Variants in TEX11 observed in about 807,000 individuals in gnomAD.
TEX11 encodes testis expressed 11, also known as testis-expressed protein 11.
In TEX11, 7 loss-of-function variants were observed where a neutral mutation model predicts 84.4. That is an observed-to-expected ratio of 0.08 (90% CI 0.05 to 0.16). The LOEUF (loss-of-function observed/expected upper bound fraction) is 0.16. Ranked by LOEUF, TEX11 falls within the 10% of genes least tolerant of loss-of-function variation. The pLI is 1.00. For missense variants in TEX11, 551 were observed against 660.5 expected (o/e 0.83, Z 1.82); for synonymous variants, 264 against 222.8 (o/e 1.18, Z -1.64).
chrX:70,876,456 T>A (rs1402011399), intron 3 of TEX11, among the ~76,000 whole-genome samples: 1 of 109,699 alleles, frequency 9.1e-6, no homozygotes, highest in East Asian at 2.8e-4. Flanking sequence ...ACATATTTAT[T>A]CAACACATAT....
intron 7 of TEX11, among the ~76,000 whole-genome samples, chrX:70,845,551 G>A (rs751925302): frequency 9.0e-6 from 1 of 110,997 alleles, no homozygotes; most frequent in Non-Finnish European, 1.9e-5. Context: ...ATCCAGGCAG[G>A]GCACACTGGG....
At chrX:70,823,331 C>T (rs1602156977) in intron 8 of TEX11, among the ~76,000 whole-genome samples, 1 of 110,316 alleles carries the variant, frequency 9.1e-6, no homozygotes, top group African/African-American at 3.3e-5. Context: ...TAATGCACAG[C>T]ATGGTGACTA....
intron 8 of TEX11, among the ~76,000 whole-genome samples, chrX:70,812,924 A>G (rs1273251103): frequency 9.0e-6 from 1 of 111,592 alleles, no homozygotes; most frequent in African/African-American, 3.3e-5. Context: ...GAATAGACCA[A>G]TAACAGGCTC....
chrX:70,794,948 A>G (rs1249680503), intron 9 of TEX11, among the ~76,000 whole-genome samples: 1 of 107,791 alleles, frequency 9.3e-6, no homozygotes, highest in Non-Finnish European at 1.9e-5. Flanking sequence ...TGACAAAAAA[A>G]AGGGGAAGAT....
chrX:70,616,980 A>T (rs755007735), intron 20 of TEX11, among the ~76,000 whole-genome samples: 2 of 111,491 alleles, frequency 1.8e-5, no homozygotes, highest in African/African-American at 6.5e-5. Flanking sequence ...CAACTAGGTG[A>T]CTATAGTAAA....
intron 28 of TEX11, among the ~76,000 whole-genome samples, chrX:70,531,589 T>A (rs1439786056): frequency 9.0e-6 from 1 of 111,434 alleles, no homozygotes; most frequent in East Asian, 2.8e-4. Context: ...TTATATGAAA[T>A]GTGCAGAATA....
chrX:70,526,890 G>A (rs1323172866), downstream of TEX11, among the ~76,000 whole-genome samples: 3 of 111,725 alleles, frequency 2.7e-5, no homozygotes, highest in Non-Finnish European at 5.6e-5. Flanking sequence ...ATAAGGAAGT[G>A]CTGAAAGAAT....
intron 9 of TEX11, among the ~76,000 whole-genome samples, chrX:70,770,938 A>G (rs2090968652): frequency 9.0e-6 from 1 of 111,416 alleles, no homozygotes; most frequent in South Asian, 3.8e-4. Context: ...AGCAACTCAC[A>G]TTACTTACCA....
intron 9 of TEX11, among the ~76,000 whole-genome samples, chrX:70,775,262 T>G (rs1305004780): frequency 9.0e-6 from 1 of 111,470 alleles, no homozygotes; most frequent in Non-Finnish European, 1.9e-5. Context: ...GGGAAAATGC[T>G]TCAGGACATT....
intron 9 of TEX11, among the ~76,000 whole-genome samples, chrX:70,777,988 TC>T (rs2091012842): frequency 8.9e-6 from 1 of 112,077 alleles, no homozygotes. Flanking sequence ...TCTATTTCCT[TC>T]CTACAAGATA....
chrX:70,713,838 T>C (rs2090466519), intron 13 of TEX11, among the ~76,000 whole-genome samples: 1 of 111,721 alleles, frequency 9.0e-6, no homozygotes, highest in Admixed American at 9.5e-5. Flanking sequence ...TGTTAGCTTT[T>C]GCATGTGTTT....
intron 17 of TEX11, among the ~76,000 whole-genome samples, chrX:70,641,210 A>G (rs2089652843): frequency 3.6e-5 from 4 of 111,769 alleles, no homozygotes; most frequent in Non-Finnish European, 7.5e-5. Context: ...TTCAACAAGA[A>G]CAGCTAACTA....
At chrX:70,578,764 CTTTTTTTTTTTT>C (rs869110075) in intron 25 of TEX11, among the ~76,000 whole-genome samples, 216 of 50,165 alleles carry the variant, frequency 4.3e-3, no homozygotes, top group Non-Finnish European at 6.7e-3. Context: ...AGTTGAACTT[CTTTTTTTTTTTT>C]TTTTTTTTTT....
At chrX:70,717,671 TA>T (rs1223775787) in intron 13 of TEX11, among the ~76,000 whole-genome samples, 10 of 106,323 alleles carry the variant, frequency 9.4e-5, no homozygotes, top group South Asian at 4.0e-4. Flanking sequence ...TTTCATTGCT[TA>T]AAAAAAAAAA....
In TEX11 at chrX:70,711,739, T is replaced by C. The variant is rs1241009722; in HGVS notation, c.1004+10879A>G. Among the ~76,000 whole-genome samples the C allele has an allele frequency of 9.8e-4, 109 of 111,605 alleles. 1 individual carries two copies. The East Asian group carries it at 0.024, about 25-fold the overall frequency. On this transcript the variant is annotated intron_variant, in intron 13 of 29. Coordinates refer to ENST00000374333, the MANE Select transcript of TEX11 (RefSeq NM_031276.3). Reference sequence around the variant, plus strand: ...AAAAATTTTCTCCCATTTTGTAGGTTGCCTGTTCACTCTGATGGTAGTTTC... The same window carrying C: ...AAAAATTTTCTCCCATTTTGTAGGTCGCCTGTTCACTCTGATGGTAGTTTC...
intron 24 of TEX11, 111 bp from the exon 25 acceptor site, chrX:70,591,934 GA>G (rs1225691006): frequency 2.0e-6 from 1 of 500,047 alleles, no homozygotes; most frequent in African/African-American, 2.4e-5. Context: ...TAAATTAATA[GA>G]AAAATGATAG....
chrX:70,515,262 T>C, the TEX11 span, among the ~76,000 whole-genome samples: 2 of 105,328 alleles, frequency 1.9e-5, no homozygotes, highest in African/African-American at 7.4e-5. Context: ...ATGCTATCCC[T>C]CCTCCACCCC....
chrX:70,517,764 G>A, the TEX11 span, among the ~76,000 whole-genome samples: 1 of 111,041 alleles, frequency 9.0e-6, no homozygotes, highest in Admixed American at 9.6e-5. Context: ...TACATTTTTG[G>A]TTGGTAGGCT....
chrX:70,795,510 G>C (rs1051189310), intron 9 of TEX11, among the ~76,000 whole-genome samples: 2 of 111,414 alleles, frequency 1.8e-5, no homozygotes, highest in Admixed American at 9.5e-5. Context: ...CCAGGTAGCA[G>C]ATTACAGCAG....
Sources: allele counts gnomAD v4.1 joint callset (sites outside exome capture counted in the v4.1 genomes callset), GRCh38; gene constraint gnomAD v4.1.1; transcripts MANE v1.5; gene names NCBI Gene and HGNC (gene_info 2026-07-23, HGNC 2026-07-21).